The following TAFA5 variants were observed in gnomAD, a reference collection of about 807,000 sequenced individuals.
TAFA5 encodes TAFA chemokine like family member 5.
A neutral mutation model predicts 15.3 loss-of-function variants in TAFA5; 6 were observed. The observed-to-expected ratio is 0.39, with a 90% CI of 0.21 to 0.77. TAFA5 has a LOEUF of 0.77. TAFA5 is among the 30% of genes least tolerant of loss of function. The probability of loss-of-function intolerance (pLI) is 0.41; values close to 1 mark genes in which losing one functional copy is unlikely to be tolerated. For missense variants in TAFA5, 161 were observed against 193.1 expected (o/e 0.83, Z 0.98); for synonymous variants, 103 against 80.7 (o/e 1.28, Z -1.48).
intron 1 of TAFA5, among the ~76,000 whole-genome samples, chr22:48,599,547 C>T (rs1450025632): frequency 6.6e-6 from 1 of 152,332 alleles, no homozygotes; most frequent in South Asian, 2.1e-4. Context: ...CAGGGCAGAA[C>T]CAGCATCCCT....
chr22:48,620,415 T>C (rs1402075430), intron 1 of TAFA5, among the ~76,000 whole-genome samples: 1 of 152,136 alleles, frequency 6.6e-6, no homozygotes, highest in Admixed American at 6.5e-5. Context: ...CAGTTTGGAG[T>C]TGGACTTTTC....
At chr22:48,693,643 G>T (rs895814180) in intron 2 of TAFA5, among the ~76,000 whole-genome samples, 4 of 151,994 alleles carry the variant, frequency 2.6e-5, no homozygotes, top group African/African-American at 9.7e-5. Flanking sequence ...CCTTATTCCT[G>T]CTCTCTCTCT....
intron 1 of TAFA5, chr22:48,543,465 C>T (rs985688915): frequency 6.6e-6 from 1 of 152,226 alleles, no homozygotes; most frequent in Non-Finnish European, 1.5e-5. Flanking sequence ...AGCCTCCCTG[C>T]TGGTCTGGCC....
intron 1 of TAFA5, among the ~76,000 whole-genome samples, chr22:48,596,898 T>C (rs1175873889): frequency 6.6e-6 from 1 of 152,158 alleles, no homozygotes; most frequent in Admixed American, 6.5e-5. Flanking sequence ...AGCCTTCACC[T>C]CCCAGCTCCA....
At position 48,693,393 on chromosome 22, in the gene TAFA5, A is replaced by G. The variant is rs563243266; in HGVS notation, c.263-14324A>G. The G allele has an allele frequency of 6.1e-5, 99 of 1,612,448 alleles. 1 individual carries two copies. Among genetic ancestry groups the G allele is most frequent in the East Asian group, 4.2e-4 (19 of 44,870 alleles). On this transcript the variant is annotated intron_variant, in intron 2 of 3. Transcript: ENST00000402357. ...CCGGGAATGGCCAGGTGAGTCGGAG[A>G]TCCGTGCGCGTCATAGTGCAGCCCG... is the stretch of plus-strand genomic sequence containing the variant.
At chr22:48,623,594 T>C (rs1340439716) in intron 1 of TAFA5, among the ~76,000 whole-genome samples, 1 of 152,196 alleles carries the variant, frequency 6.6e-6, no homozygotes, top group Non-Finnish European at 1.5e-5. Flanking sequence ...GCCAGGCTGA[T>C]GTGAACTTCC....
chr22:48,584,992 TAC>T (rs1169700440), intron 1 of TAFA5, among the ~76,000 whole-genome samples: 1 of 122,026 alleles, frequency 8.2e-6, no homozygotes, highest in African/African-American at 3.3e-5. Flanking sequence ...CATTCACATG[TAC>T]ACACACACAC....
At chr22:48,643,257 A>T (rs942804795) in intron 1 of TAFA5, among the ~76,000 whole-genome samples, 52 of 151,820 alleles carry the variant, frequency 3.4e-4, no homozygotes, top group African/African-American at 1.2e-3. Context: ...CGCTGTGGCG[A>T]TCTGTTACGC....
In TAFA5 at chr22:48,581,656, G is replaced by T. The variant is rs555347151; in HGVS notation, c.113-64941G>T. 2.8e-4 allele frequency among the ~76,000 whole-genome samples: 43 copies of T among 152,306 alleles called. 1 individual carries two copies. The South Asian group carries it at 4.1e-3, about 15-fold the overall frequency. ...GGGTTCGGGGGCAACCTTCTTGGAA[G>T]GGTTCACTGCTGACATGTTCATGTG... On this transcript the variant is annotated intron_variant, in intron 1 of 3. Coordinates refer to ENST00000402357, the MANE Select transcript of TAFA5 (RefSeq NM_001082967.3).
At chr22:48,636,271 G>A (rs10427807) in intron 1 of TAFA5, among the ~76,000 whole-genome samples, 12,322 of 152,270 alleles carry the variant, frequency 0.081, 592 homozygotes, top group East Asian at 0.19. Context: ...TGGGCCCGAC[G>A]CTGGCTGTTC....
At chr22:48,661,623 AG>A (rs1174070156) in intron 2 of TAFA5, among the ~76,000 whole-genome samples, 1 of 152,086 alleles carries the variant, frequency 6.6e-6, no homozygotes, top group Non-Finnish European at 1.5e-5. Context: ...GGGAACAGAG[AG>A]GGGGCAGCGT....
intron 1 of TAFA5, among the ~76,000 whole-genome samples, chr22:48,629,697 G>A (rs1299542379): frequency 6.6e-6 from 1 of 152,180 alleles, no homozygotes; most frequent in Non-Finnish European, 1.5e-5. Flanking sequence ...GGGATGCATG[G>A]GACAGTCCCC....
intron 1 of TAFA5, among the ~76,000 whole-genome samples, chr22:48,555,637 C>T (rs1431154680): frequency 3.3e-5 from 5 of 152,206 alleles, no homozygotes; most frequent in African/African-American, 1.2e-4. Flanking sequence ...GTGCACCCCC[C>T]ACGCCACGGG....
chr22:48,657,693 A>G (rs1927296683), intron 2 of TAFA5, among the ~76,000 whole-genome samples: 1 of 152,198 alleles, frequency 6.6e-6, no homozygotes, highest in African/African-American at 2.4e-5. Flanking sequence ...GGACAGTGAC[A>G]TCCATGCCTG....
In TAFA5 at chr22:48,719,385, C is replaced by T. The variant is rs940610701; in HGVS notation, c.390+11541C>T. Among the ~76,000 whole-genome samples the T allele has an allele frequency of 7.2e-5, 11 of 152,308 alleles. No individual in the cohort carries two copies. In the South Asian group the frequency reaches 8.3e-4, roughly 11 times the overall value. On this transcript the variant is annotated intron_variant, in intron 3 of 3. Transcript: ENST00000402357. ...GTCCGTCTGGAGTGTGATCAGATGG[C>T]GTTCATGGAGACTGACTCAGGGAAC...
intron 1 of TAFA5, among the ~76,000 whole-genome samples, chr22:48,523,296 C>T (rs1206195869): frequency 6.6e-6 from 1 of 152,238 alleles, no homozygotes; most frequent in Non-Finnish European, 1.5e-5. Flanking sequence ...GCAGCCTCCA[C>T]CAGGGCCAGT....
At chr22:48,716,385 G>A (rs140502946) in intron 3 of TAFA5, among the ~76,000 whole-genome samples, 3,559 of 152,284 alleles carry the variant, frequency 0.023, 64 homozygotes, top group Middle Eastern at 0.071. Flanking sequence ...GGATGAAGTT[G>A]GAAACCATCA....
At chr22:48,572,833 T>C (rs1923635903) in intron 1 of TAFA5, among the ~76,000 whole-genome samples, 1 of 152,178 alleles carries the variant, frequency 6.6e-6, no homozygotes, top group Admixed American at 6.5e-5. Context: ...AAATAAGCAA[T>C]AGACTGAGAT....
At chr22:48,587,669 G>T (rs1924409844) in intron 1 of TAFA5, among the ~76,000 whole-genome samples, 1 of 152,224 alleles carries the variant, frequency 6.6e-6, no homozygotes, top group Non-Finnish European at 1.5e-5. Context: ...GGGTAGGCCA[G>T]GCCCTGGCTC....
Sources: gnomAD v4.1 joint callset for allele counts (sites outside exome capture counted in the v4.1 genomes callset) on GRCh38, gnomAD v4.1.1 for gene constraint, MANE v1.5 for transcripts, NCBI Gene and HGNC (gene_info 2026-07-23, HGNC 2026-07-21) for gene names.